ADCY8: variants seen among roughly 807,000 people sequenced by gnomAD.
ADCY8 encodes adenylate cyclase type 8.
Under a neutral mutation model 119.7 loss-of-function variants are expected in ADCY8, and 51 were observed. The observed-to-expected ratio is 0.43, with a 90% CI of 0.34 to 0.54. ADCY8 has a LOEUF of 0.54. Ranked by LOEUF, ADCY8 falls within the 20% of genes least tolerant of loss-of-function variation. The pLI is 0.03. For synonymous variants in ADCY8, 665 were observed against 651.0 expected (o/e 1.02, Z -0.33); for missense variants, 1,383 against 1,598.8 (o/e 0.87, Z 2.30).
At chr8:130,888,779 CA>C (rs1446054284) in intron 7 of ADCY8, among the ~76,000 whole-genome samples, 1 of 152,088 alleles carries the variant, frequency 6.6e-6, no homozygotes, top group East Asian at 1.9e-4. Flanking sequence ...GGTTTATGAT[CA>C]GAAGACTCTT....
At chr8:130,842,924 G>A (rs1817191738) in intron 11 of ADCY8, among the ~76,000 whole-genome samples, 1 of 150,338 alleles carries the variant, frequency 6.7e-6, no homozygotes, top group South Asian at 2.1e-4. Flanking sequence ...AATCTGAGTT[G>A]GTCTTCTTTG....
chr8:131,014,278 G>A (rs1241588117), intron 1 of ADCY8, among the ~76,000 whole-genome samples: 2 of 152,108 alleles, frequency 1.3e-5, no homozygotes, highest in Non-Finnish European at 2.9e-5. Context: ...CAAATAAAAT[G>A]TTCTTCCGAA....
At chr8:131,023,598 G>T (rs1469620527) in intron 1 of ADCY8, among the ~76,000 whole-genome samples, 7 of 152,102 alleles carry the variant, frequency 4.6e-5, no homozygotes, top group Non-Finnish European at 8.8e-5. Flanking sequence ...AAAATCTTTT[G>T]TTCGTCCTAT....
chr8:130,856,781 C>T (rs906399889), intron 9 of ADCY8, among the ~76,000 whole-genome samples: 8 of 151,812 alleles, frequency 5.3e-5, no homozygotes, highest in African/African-American at 7.3e-5. Context: ...AGTCTCATTC[C>T]ACCAGATTAT....
At chr8:130,921,547 G>A (rs1278387384) in intron 5 of ADCY8, among the ~76,000 whole-genome samples, 8 of 148,706 alleles carry the variant, frequency 5.4e-5, no homozygotes, top group African/African-American at 9.9e-5. Flanking sequence ...TCTGCCTCCC[G>A]GGTTCCAGCA....
At chr8:130,803,177 G>A (rs757882975) in intron 14 of ADCY8, among the ~76,000 whole-genome samples, 3 of 152,234 alleles carry the variant, frequency 2.0e-5, no homozygotes, top group South Asian at 2.1e-4. Flanking sequence ...TATTCCTACC[G>A]TCTGTCCCTG....
At position 130,780,793 on chromosome 8, in the gene ADCY8, G is replaced by A. The variant is rs927469755; in HGVS notation, c.3353C>T (p.Ala1118Val). The change falls in exon 18 of 18, where the codon GCA (alanine) becomes GTA (valine). Residue 1118 changes from alanine (A) to valine (V), a missense_variant. Physicochemically the swap from Ala to Val is moderately conservative, Grantham distance 64. Around this residue, in one of 2 missense-constraint regions of ADCY8, gnomAD observed 928 missense variants for 1,163.5 expected, o/e 0.80. Transcript: ENST00000286355. Reference protein sequence around the residue: ...YDIWGKTVNLASRMDSTGVSG... With the variant: ...YDIWGKTVNLVSRMDSTGVSG... ...AACCCCCGTGCTGTCCATTCGGCTT[G>A]CCAGGTTCACAGTTTTGCCCCAAAT... 1 of 1,614,198 alleles carries A rather than the reference G, an allele frequency of 6.2e-7. No individual in the cohort carries two copies. The highest frequency in any genetic ancestry group is 8.5e-7 in the Non-Finnish European group (1 of 1,180,022).
At chr8:130,959,417 A>G (rs976627771) in intron 2 of ADCY8, among the ~76,000 whole-genome samples, 1 of 152,244 alleles carries the variant, frequency 6.6e-6, no homozygotes, top group African/African-American at 2.4e-5. Context: ...GTAACATTTA[A>G]CAGAAAATAA....
At chr8:130,987,548 T>C (rs1350449149) in intron 2 of ADCY8, among the ~76,000 whole-genome samples, 2 of 152,202 alleles carry the variant, frequency 1.3e-5, no homozygotes, top group Non-Finnish European at 2.9e-5. Flanking sequence ...AACCCAGTCA[T>C]TTCTGTTGAA....
chr8:130,979,626 C>T (rs774607922), intron 2 of ADCY8, among the ~76,000 whole-genome samples: 8 of 152,176 alleles, frequency 5.3e-5, no homozygotes, highest in Non-Finnish European at 4.4e-5. Context: ...CTGGAGAAGA[C>T]TGTTTAGGTC....
chr8:130,802,899 G>A (rs772893279), intron 14 of ADCY8, among the ~76,000 whole-genome samples: 10 of 152,144 alleles, frequency 6.6e-5, no homozygotes, highest in Admixed American at 2.0e-4. Context: ...CGGCTCCCTC[G>A]CCCCTTGGGC....
At chr8:130,995,142 C>G (rs976195637) in intron 1 of ADCY8, among the ~76,000 whole-genome samples, 2 of 152,240 alleles carry the variant, frequency 1.3e-5, no homozygotes, top group Admixed American at 1.3e-4. Context: ...TTCAGTAACC[C>G]TAATTCTGTA....
chr8:131,014,807 C>A (rs1823419109), intron 1 of ADCY8, among the ~76,000 whole-genome samples: 4 of 152,192 alleles, frequency 2.6e-5, no homozygotes, highest in Admixed American at 1.3e-4. Flanking sequence ...ATTACATAGA[C>A]CCCTTGGCAT....
intron 7 of ADCY8, among the ~76,000 whole-genome samples, chr8:130,895,245 T>C (rs1243004060): frequency 6.6e-6 from 1 of 152,126 alleles, no homozygotes; most frequent in African/African-American, 2.4e-5. Flanking sequence ...GTTTTATGAC[T>C]CCCCAAACAA....
At chr8:130,955,372 C>G (rs1821396759) in intron 2 of ADCY8, among the ~76,000 whole-genome samples, 1 of 152,138 alleles carries the variant, frequency 6.6e-6, no homozygotes, top group African/African-American at 2.4e-5. Flanking sequence ...GGGCCAGTAT[C>G]TAGTCTATCA....
At chr8:130,893,751 T>G (rs1347281555) in intron 7 of ADCY8, among the ~76,000 whole-genome samples, 1 of 151,454 alleles carries the variant, frequency 6.6e-6, no homozygotes, top group Non-Finnish European at 1.5e-5. Context: ...CAAGTTTATG[T>G]GTGTGTGCAT....
rs73346479 is a variant in ADCY8 at position 130,925,821 on chromosome 8, C to T, written c.1481+11252G>A. ...AACTCAGCTTTGATGTGTTATCATC[C>T]CATCCTTTCTATTTCACAGCTGCTG... On this transcript the variant is annotated intron_variant, in intron 5 of 17. Transcript: ENST00000286355. Among the ~76,000 whole-genome samples, 347 of 152,170 alleles carry T rather than the reference C, an allele frequency of 2.3e-3. 1 individual carries two copies. Among genetic ancestry groups the T allele is most frequent in the African/African-American group, 7.9e-3 (327 of 41,488 alleles).
intron 7 of ADCY8, among the ~76,000 whole-genome samples, chr8:130,894,442 T>G (rs1229819859): frequency 6.6e-6 from 1 of 152,084 alleles, no homozygotes; most frequent in Non-Finnish European, 1.5e-5. Context: ...AAGTCCAGAG[T>G]GGGTGATACT....
rs1468295373 is a variant in ADCY8, at chr8:130,992,399, A to G, written c.961-1857T>C. Among the ~76,000 whole-genome samples the G allele has an allele frequency of 8.9e-4, 27 of 30,186 alleles. 4 individuals are homozygous for G. The highest frequency in any genetic ancestry group is 3.4e-3 in the African/African-American group (25 of 7,276). The allele number at this position is 30,186 out of a possible 152,430, so 19.8% of individuals were successfully genotyped here. A position where few individuals can be genotyped will look rare whatever the true frequency, so the allele number is the denominator to read the frequency against. On this transcript the variant is annotated intron_variant, in intron 1 of 17. Coordinates refer to ENST00000286355, the MANE Select transcript of ADCY8 (RefSeq NM_001115.3). ...GTATCTGGCATATATATATATATAT[A>G]TATATATATATATATATATATATAT...
Sources: allele counts gnomAD v4.1 joint callset (sites outside exome capture counted in the v4.1 genomes callset), GRCh38; gene constraint gnomAD v4.1.1; regional missense constraint gnomAD v4.1.1; transcripts MANE v1.5; gene names NCBI Gene and HGNC (gene_info 2026-07-23, HGNC 2026-07-21).